GRM3: variants seen among roughly 807,000 people sequenced by gnomAD.
GRM3 encodes the protein glutamate metabotropic receptor 3.
In GRM3, 26 loss-of-function variants were observed where a neutral mutation model predicts 70.5. That is an observed-to-expected ratio of 0.37 (90% CI 0.27 to 0.51). GRM3 has a LOEUF of 0.51. GRM3 is among the 20% of genes least tolerant of loss of function. GRM3 has a pLI of 0.93. For synonymous variants in GRM3, 443 were observed against 434.9 expected (o/e 1.02, Z -0.23); for missense variants, 859 against 1,123.8 (o/e 0.76, Z 3.37).
At chr7:86,713,811 A>G (rs1795253280) in intron 1 of GRM3, among the ~76,000 whole-genome samples, 1 of 152,022 alleles carries the variant, frequency 6.6e-6, no homozygotes, top group African/African-American at 2.4e-5. Context: ...TTAAATTAGT[A>G]TATATGACAA....
At chr7:86,688,182 A>C (rs888723311) in intron 1 of GRM3, among the ~76,000 whole-genome samples, 102 of 151,868 alleles carry the variant, frequency 6.7e-4, no homozygotes, top group African/African-American at 2.4e-3. Context: ...CAAGTAAAAA[A>C]TAAAATTGTA....
chr7:86,748,261 A>T (rs1170251195), intron 1 of GRM3, among the ~76,000 whole-genome samples: 1 of 152,026 alleles, frequency 6.6e-6, no homozygotes, highest in East Asian at 1.9e-4. Flanking sequence ...GCTCATCCAC[A>T]CTAGTACCCT....
intron 2 of GRM3, among the ~76,000 whole-genome samples, chr7:86,774,219 G>A (rs1294881704): frequency 6.6e-6 from 1 of 151,996 alleles, no homozygotes; most frequent in Non-Finnish European, 1.5e-5. Context: ...AAAGAGCAGC[G>A]GTTAGCAGTT....
At chr7:86,856,754 A>G (rs1384066137) in intron 5 of GRM3, among the ~76,000 whole-genome samples, 3 of 152,142 alleles carry the variant, frequency 2.0e-5, no homozygotes, top group South Asian at 2.1e-4. Flanking sequence ...CCTTTCTTCT[A>G]TGTAACACTT....
chr7:86,710,790 T>C (rs779020397), intron 1 of GRM3, among the ~76,000 whole-genome samples: 1 of 152,190 alleles, frequency 6.6e-6, no homozygotes, highest in Admixed American at 6.5e-5. Context: ...TACAACTAGA[T>C]AATAACATGT....
chr7:86,725,532 C>G (rs1456041672), intron 1 of GRM3, among the ~76,000 whole-genome samples: 1 of 152,170 alleles, frequency 6.6e-6, no homozygotes, highest in Non-Finnish European at 1.5e-5. Context: ...TTTGTTACAG[C>G]AAGCCCTCCT....
chr7:86,703,399 C>T (rs559027571), intron 1 of GRM3, among the ~76,000 whole-genome samples: 1 of 151,874 alleles, frequency 6.6e-6, no homozygotes, highest in African/African-American at 2.4e-5. Context: ...TGGAAGCAAA[C>T]CTTTGAAATT....
At chr7:86,647,235 T>C (rs183161993) in intron 1 of GRM3, among the ~76,000 whole-genome samples, 30 of 152,356 alleles carry the variant, frequency 2.0e-4, no homozygotes, top group Admixed American at 7.2e-4. Context: ...TTTTATTTCA[T>C]GTCGAACTAT....
At chr7:86,864,139 T>C (rs544374919) in intron 5 of GRM3, 143 bp from the exon 6 acceptor site, 30 of 627,634 alleles carry the variant, frequency 4.8e-5, no homozygotes, top group Non-Finnish European at 8.2e-5. Flanking sequence ...TAGTATACAC[T>C]GAACTCCAAT....
chr7:86,760,975 T>C (rs528348402), intron 1 of GRM3, among the ~76,000 whole-genome samples: 69 of 152,270 alleles, frequency 4.5e-4, no homozygotes, highest in African/African-American at 1.6e-3. Flanking sequence ...TTTTTGAGTA[T>C]AGCACTTAAC....
chr7:86,720,527 G>C (rs1795432662), intron 1 of GRM3, among the ~76,000 whole-genome samples: 1 of 152,020 alleles, frequency 6.6e-6, no homozygotes. Context: ...AGAATACCAG[G>C]AAACTGGAGA....
intron 1 of GRM3, among the ~76,000 whole-genome samples, chr7:86,666,117 T>C (rs1014888963): frequency 2.0e-5 from 3 of 152,074 alleles, no homozygotes; most frequent in Non-Finnish European, 4.4e-5. Context: ...GCATGAGTTA[T>C]TGAAAGTCAA....
intron 5 of GRM3, among the ~76,000 whole-genome samples, chr7:86,861,624 G>A (rs1308338245): frequency 6.6e-6 from 1 of 152,122 alleles, no homozygotes; most frequent in Non-Finnish European, 1.5e-5. Context: ...TTCCTAGAGA[G>A]GCAAAGGCTA....
chr7:86,803,327 T>C (rs1245902419), intron 3 of GRM3, among the ~76,000 whole-genome samples: 2 of 152,228 alleles, frequency 1.3e-5, no homozygotes, highest in East Asian at 3.8e-4. Flanking sequence ...TACCCTGTTA[T>C]GAATCCTTCC....
At chr7:86,665,698 A>G (rs1164355282) in intron 1 of GRM3, among the ~76,000 whole-genome samples, 1 of 152,028 alleles carries the variant, frequency 6.6e-6, no homozygotes, top group African/African-American at 2.4e-5. Flanking sequence ...TGAAGATTCT[A>G]TGTGTGATCT....
chr7:86,686,981 G>T (rs1156580284), intron 1 of GRM3, among the ~76,000 whole-genome samples: 1 of 151,904 alleles, frequency 6.6e-6, no homozygotes, highest in Non-Finnish European at 1.5e-5. Flanking sequence ...TAGTAGATGG[G>T]TTTAATAACA....
At chr7:86,648,696 A>T (rs1025215785) in intron 1 of GRM3, among the ~76,000 whole-genome samples, 28 of 152,092 alleles carry the variant, frequency 1.8e-4, no homozygotes, top group African/African-American at 6.8e-4. Context: ...GAGGTACCAT[A>T]TGTGAAGGTT....
At chr7:86,659,814 C>G (rs533391205) in intron 1 of GRM3, among the ~76,000 whole-genome samples, 15 of 152,036 alleles carry the variant, frequency 9.9e-5, no homozygotes, top group African/African-American at 3.4e-4. Context: ...TATTTCTTTA[C>G]AAACTATTTG....
chr7:86,804,364 C>A (rs1311171927), intron 3 of GRM3, among the ~76,000 whole-genome samples: 1 of 152,148 alleles, frequency 6.6e-6, no homozygotes, highest in African/African-American at 2.4e-5. Context: ...GAAGCACAAC[C>A]CATATGCTGA....
Sources: gnomAD v4.1 joint callset for allele counts (sites outside exome capture counted in the v4.1 genomes callset) on GRCh38, gnomAD v4.1.1 for gene constraint, MANE v1.5 for transcripts, NCBI Gene and HGNC (gene_info 2026-07-23, HGNC 2026-07-21) for gene names.